ADAMTS9: variants seen among roughly 807,000 people sequenced by gnomAD.
The protein encoded by ADAMTS9 is A disintegrin and metalloproteinase with thrombospondin motifs 9.
In ADAMTS9, 107 loss-of-function variants were observed where a neutral mutation model predicts 257.1. The observed-to-expected ratio is 0.42, with a 90% CI of 0.36 to 0.49. The LOEUF (loss-of-function observed/expected upper bound fraction) is 0.49. Among genes scored for constraint, ADAMTS9 ranks in the 20% least tolerant of loss-of-function variants. ADAMTS9 has a pLI of 0.03. For missense variants in ADAMTS9, 2,353 were observed against 2,469.1 expected (o/e 0.95, Z 1.00); for synonymous variants, 982 against 880.9 (o/e 1.11, Z -2.03).
At chr3:64,601,271 A>G (rs984878284) in intron 26 of ADAMTS9, among the ~76,000 whole-genome samples, 2 of 152,188 alleles carry the variant, frequency 1.3e-5, no homozygotes, top group African/African-American at 4.8e-5. Context: ...CAGCAACCCA[A>G]GAAAGCAGGA....
At chr3:64,552,244 G>A (rs2083279924) in intron 30 of ADAMTS9, among the ~76,000 whole-genome samples, 1 of 152,188 alleles carries the variant, frequency 6.6e-6, no homozygotes, top group Admixed American at 6.5e-5. Flanking sequence ...GATGATTACA[G>A]AGCAAGTGGT....
chr3:64,612,189 C>T (rs1453282172), intron 22 of ADAMTS9, among the ~76,000 whole-genome samples: 2 of 151,626 alleles, frequency 1.3e-5, no homozygotes. Flanking sequence ...CCCTGAACTG[C>T]ATGTTCAGTT....
intron 28 of ADAMTS9, chr3:64,583,490 T>G (rs895085544): frequency 6.6e-6 from 1 of 152,204 alleles, no homozygotes; most frequent in Admixed American, 6.5e-5. Flanking sequence ...GTCTCAATGG[T>G]GGCACTATTT....
intron 27 of ADAMTS9, among the ~76,000 whole-genome samples, chr3:64,596,105 C>T (rs2084359765): frequency 3.3e-5 from 5 of 152,146 alleles, no homozygotes; most frequent in Admixed American, 3.3e-4. Context: ...ATAGATACTA[C>T]CTCATATCAT....
intron 28 of ADAMTS9, 167 bp from the exon 29 acceptor site, chr3:64,568,702 T>G: frequency 1.3e-6 from 1 of 745,316 alleles, no homozygotes; most frequent in Non-Finnish European, 2.1e-6. Context: ...GGAAGGAAGG[T>G]GGCATTGAAA....
intron 12 of ADAMTS9, 103 bp downstream of exon 12, chr3:64,641,745 G>C: frequency 2.1e-6 from 3 of 1,448,730 alleles, no homozygotes; most frequent in Non-Finnish European, 2.8e-6. Context: ...GTTCTTTCTA[G>C]CTCTCTAAGT....
intron 36 of ADAMTS9, 108 bp downstream of exon 36, chr3:64,540,986 TG>T: frequency 7.1e-7 from 1 of 1,407,870 alleles, no homozygotes; most frequent in Non-Finnish European, 9.8e-7. Context: ...CAATGTGCAA[TG>T]TGCAATGTGC....
intron 12 of ADAMTS9, among the ~76,000 whole-genome samples, chr3:64,636,687 A>G (rs578013343): frequency 6.6e-6 from 1 of 152,346 alleles, no homozygotes; most frequent in Admixed American, 6.5e-5. Context: ...TTTTACAAAG[A>G]AGAAGATTTT....
chr3:64,622,664 T>C, intron 16 of ADAMTS9, 78 bp from the exon 17 acceptor site: 1 of 1,512,052 alleles, frequency 6.6e-7, no homozygotes, highest in Non-Finnish European at 9.1e-7. Flanking sequence ...AACATCTGGA[T>C]AGGTAGAGAG....
intron 12 of ADAMTS9, among the ~76,000 whole-genome samples, chr3:64,635,461 T>C (rs9311903): frequency 0.53 from 80,561 of 152,022 alleles, 22,574 homozygotes; most frequent in African/African-American, 0.72. Context: ...TCTAGGGATG[T>C]AAAATGGCAC....
chr3:64,639,290 ATTGT>A (rs1241891727), intron 12 of ADAMTS9, among the ~76,000 whole-genome samples: 1 of 44,418 alleles, frequency 2.3e-5, no homozygotes, highest in African/African-American at 1.6e-4. Flanking sequence ...AACTAGGTGG[ATTGT>A]TTTTTTTTTT....
At chr3:64,572,962 C>A (rs1304619317) in intron 28 of ADAMTS9, among the ~76,000 whole-genome samples, 1 of 151,724 alleles carries the variant, frequency 6.6e-6, no homozygotes, top group Non-Finnish European at 1.5e-5. Context: ...CCTGTAGTTC[C>A]AGCTACTCAG....
intron 11 of ADAMTS9, among the ~76,000 whole-genome samples, chr3:64,647,188 A>G (rs1364932329): frequency 2.6e-5 from 4 of 152,164 alleles, no homozygotes; most frequent in Non-Finnish European, 5.9e-5. Context: ...TAGAATGCCA[A>G]TTTCCATGTG....
At chr3:64,642,310 A>G (rs1458040079) in intron 11 of ADAMTS9, among the ~76,000 whole-genome samples, 1 of 152,186 alleles carries the variant, frequency 6.6e-6, no homozygotes, top group Non-Finnish European at 1.5e-5. Flanking sequence ...GGAAATGGGA[A>G]GGGTGGTTAT....
chr3:64,574,943 G>C (rs985522462), intron 28 of ADAMTS9, among the ~76,000 whole-genome samples: 1 of 152,188 alleles, frequency 6.6e-6, no homozygotes, highest in Non-Finnish European at 1.5e-5. Flanking sequence ...TAATAGCTCT[G>C]ACTTTAATGC....
In ADAMTS9 at chr3:64,655,557, G is replaced by A. The variant is rs765813926; in HGVS notation, c.1169+19C>T. 1 of 1,580,628 alleles carries A rather than the reference G, an allele frequency of 6.3e-7. No homozygotes were observed. Among genetic ancestry groups the A allele is most frequent in the South Asian group, 1.1e-5 (1 of 90,218 alleles). On this transcript the variant is annotated intron_variant, in intron 6 of 39. Coordinates refer to ENST00000498707, the MANE Select transcript of ADAMTS9 (RefSeq NM_182920.2). Reference sequence around the variant, plus strand: ...TTGACCTGAGACTGAAAGATCTGAGGAATAAGAAATCCATATACCTTGTTA... The same window carrying A: ...TTGACCTGAGACTGAAAGATCTGAGAAATAAGAAATCCATATACCTTGTTA...
chr3:64,542,430 CTT>C (rs56812239), intron 32 of ADAMTS9, among the ~76,000 whole-genome samples: 3 of 124,560 alleles, frequency 2.4e-5, no homozygotes, highest in South Asian at 2.6e-4. Context: ...TTCTTTCTTT[CTT>C]TTTTTTTTTT....
chr3:64,633,072 C>G (rs1700408604), intron 14 of ADAMTS9, among the ~76,000 whole-genome samples: 1 of 152,078 alleles, frequency 6.6e-6, no homozygotes, highest in Non-Finnish European at 1.5e-5. Flanking sequence ...TGAGTGAGGC[C>G]AGCTCTTCTT....
intron 23 of ADAMTS9, among the ~76,000 whole-genome samples, chr3:64,605,455 T>A (rs1374266679): frequency 6.6e-6 from 1 of 152,192 alleles, no homozygotes; most frequent in African/African-American, 2.4e-5. Flanking sequence ...CACTGCCATA[T>A]TAATTTATTT....
Sources: allele counts gnomAD v4.1 joint callset (sites outside exome capture counted in the v4.1 genomes callset), GRCh38; gene constraint gnomAD v4.1.1; transcripts MANE v1.5; gene names NCBI Gene and HGNC (gene_info 2026-07-23, HGNC 2026-07-21).